The following DCC variants were observed in gnomAD, a reference collection of about 807,000 sequenced individuals.
The protein encoded by DCC is DCC netrin 1 receptor.
DCC carries 58 observed loss-of-function variants against 172.5 expected under a neutral mutation model. The observed-to-expected ratio is 0.34, with a 90% confidence interval of 0.27 to 0.42. The LOEUF (loss-of-function observed/expected upper bound fraction) is 0.42. Ranked by LOEUF, DCC falls within the 10% of genes least tolerant of loss-of-function variation. DCC has a pLI of 1.00. For missense variants in DCC, 1,740 were observed against 1,791.0 expected, an observed-to-expected ratio of 0.97 and a Z score of 0.51; for synonymous variants, 709 against 644.5, an observed-to-expected ratio of 1.10 and a Z score of -1.52.
chr18:53,087,960 A>G (rs543365131), intron 7 of DCC, among the ~76,000 whole-genome samples: 5 of 152,040 alleles, frequency 3.3e-5, no homozygotes, highest in African/African-American at 7.2e-5. Context: ...CCATTGATCT[A>G]TATCTCTGTT....
chr18:52,813,779 T>C (rs1272869132), intron 2 of DCC, among the ~76,000 whole-genome samples: 1 of 152,160 alleles, frequency 6.6e-6, no homozygotes, highest in Admixed American at 6.5e-5. Flanking sequence ...AAAGGCTGAG[T>C]CAATGAAAAC....
At position 52,395,669 on chromosome 18, in the gene DCC, A is replaced by G. The variant is rs150680924; in HGVS notation, c.91+54791A>G. The stretch of plus-strand genomic sequence containing the variant: ...AAACTGATACTTCTCGGGTTTCTCT[A>G]CCCAGCTATTCTGAGCCTGAGATCT... On this transcript the variant is annotated intron_variant, in intron 1 of 28. Coordinates refer to ENST00000442544, the MANE Select transcript of DCC (RefSeq NM_005215.4). Among the ~76,000 whole-genome samples, 1,317 of 152,080 alleles carry G rather than the reference A, an allele frequency of 8.7e-3. 24 individuals are homozygous for G. The highest frequency in any genetic ancestry group is 0.03 in the African/African-American group (1,255 of 41,502).
chr18:52,919,024 A>C (rs1394495365), intron 3 of DCC, among the ~76,000 whole-genome samples: 3 of 152,172 alleles, frequency 2.0e-5, no homozygotes. Flanking sequence ...ACTTATGTGC[A>C]TTTGGCTGAG....
At chr18:53,512,359 G>GA (rs1268333510) in intron 27 of DCC, among the ~76,000 whole-genome samples, 3 of 150,566 alleles carry the variant, frequency 2.0e-5, no homozygotes, top group Non-Finnish European at 3.0e-5. Flanking sequence ...CAAAGATGGG[G>GA]AAAAAACAGA....
chr18:53,054,864 T>C (rs140450244), intron 5 of DCC, among the ~76,000 whole-genome samples: 1 of 152,264 alleles, frequency 6.6e-6, no homozygotes, highest in East Asian at 1.9e-4. Context: ...AATTCAAAGG[T>C]CTAACATTTT....
intron 2 of DCC, among the ~76,000 whole-genome samples, chr18:52,839,573 A>G (rs1368382849): frequency 6.6e-6 from 1 of 152,200 alleles, no homozygotes; most frequent in Non-Finnish European, 1.5e-5. Context: ...CCTCTTCTTG[A>G]CAACATTGCT....
chr18:53,448,650 G>C (rs186773475), intron 22 of DCC, among the ~76,000 whole-genome samples: 1 of 151,910 alleles, frequency 6.6e-6, no homozygotes, highest in Non-Finnish European at 1.5e-5. Flanking sequence ...CCTGAAGTAA[G>C]GTGTTCAAGA....
intron 8 of DCC, among the ~76,000 whole-genome samples, chr18:53,172,677 G>A (rs2055031810): frequency 6.6e-6 from 1 of 151,984 alleles, no homozygotes; most frequent in Non-Finnish European, 1.5e-5. Context: ...GTCTAGAAAA[G>A]ATGCTTTGAA....
intron 12 of DCC, among the ~76,000 whole-genome samples, chr18:53,283,577 T>C (rs2056897856): frequency 6.6e-6 from 1 of 152,194 alleles, no homozygotes; most frequent in South Asian, 2.1e-4. Flanking sequence ...AAGATAGCCT[T>C]TATTTTATGC....
chr18:52,420,225 T>C (rs551132468), intron 1 of DCC, among the ~76,000 whole-genome samples: 1 of 152,276 alleles, frequency 6.6e-6, no homozygotes, highest in Admixed American at 6.5e-5. Flanking sequence ...TCAAGAGGAA[T>C]AGAGCAAGGC....
At chr18:52,878,710 A>G (rs2039437882) in intron 2 of DCC, among the ~76,000 whole-genome samples, 1 of 152,162 alleles carries the variant, frequency 6.6e-6, no homozygotes, top group African/African-American at 2.4e-5. Context: ...AATTTTTACT[A>G]GGACGGGTCA....
At chr18:53,500,315 C>T (rs1216719330) in intron 27 of DCC, among the ~76,000 whole-genome samples, 10 of 151,896 alleles carry the variant, frequency 6.6e-5, no homozygotes, top group Admixed American at 5.2e-4. Context: ...AATAATAGTA[C>T]TTAAAATTAT....
At position 53,342,148 on chromosome 18, in the gene DCC, G is replaced by C. The variant is rs118089874; in HGVS notation, c.2359+2241G>C. On this transcript the variant is annotated intron_variant, in intron 15 of 28. Coordinates refer to ENST00000442544, the MANE Select transcript of DCC (RefSeq NM_005215.4). Reference sequence around the variant, plus strand: ...AAACCCCTTCATCTATTTCATGAGAGAGCAAGACTTCTAAACAGCATTTTA... The same window carrying C: ...AAACCCCTTCATCTATTTCATGAGACAGCAAGACTTCTAAACAGCATTTTA... Among the ~76,000 whole-genome samples, 853 of 152,106 alleles carry C rather than the reference G, an allele frequency of 5.6e-3. 6 individuals are homozygous for C. The highest frequency in any genetic ancestry group is 0.025 in the Admixed American group (375 of 15,272).
At chr18:52,360,577 A>G (rs188135720) in intron 1 of DCC, among the ~76,000 whole-genome samples, 44 of 152,322 alleles carry the variant, frequency 2.9e-4, no homozygotes, top group African/African-American at 9.4e-4. Context: ...TGAACATTCA[A>G]TAGTGTCTCC....
chr18:53,040,135 TAAC>T (rs1457773179), intron 5 of DCC, among the ~76,000 whole-genome samples: 3 of 151,966 alleles, frequency 2.0e-5, no homozygotes, highest in Admixed American at 1.3e-4. Flanking sequence ...AAAATATAGA[TAAC>T]AAACTGAGTG....
At chr18:53,265,402 A>G (rs1167230790) in intron 12 of DCC, among the ~76,000 whole-genome samples, 1 of 152,210 alleles carries the variant, frequency 6.6e-6, no homozygotes, top group Non-Finnish European at 1.5e-5. Flanking sequence ...CATTGGAGAA[A>G]CACTCCATGT....
intron 1 of DCC, among the ~76,000 whole-genome samples, chr18:52,535,578 A>G (rs1163611828): frequency 6.6e-6 from 1 of 152,240 alleles, no homozygotes; most frequent in African/African-American, 2.4e-5. Context: ...ATACTGTCCA[A>G]TAAAAGGTAT....
chr18:52,487,424 A>T (rs981864739), intron 1 of DCC, among the ~76,000 whole-genome samples: 2 of 152,158 alleles, frequency 1.3e-5, no homozygotes, highest in African/African-American at 4.8e-5. Flanking sequence ...AGAAAATACT[A>T]TCTGCTCATT....
intron 1 of DCC, among the ~76,000 whole-genome samples, chr18:52,600,600 G>A (rs542245418): frequency 5.7e-4 from 86 of 152,188 alleles, no homozygotes; most frequent in African/African-American, 1.7e-3. Flanking sequence ...TACACTAAAC[G>A]TCTTTACCAT....
Sources: gnomAD v4.1 joint callset for allele counts (sites outside exome capture counted in the v4.1 genomes callset) on GRCh38, gnomAD v4.1.1 for gene constraint, MANE v1.5 for transcripts, NCBI Gene and HGNC (gene_info 2026-07-23, HGNC 2026-07-21) for gene names.